The following MACROD2 variants were observed in gnomAD, a reference collection of about 807,000 sequenced individuals.
The protein encoded by MACROD2 is mono-ADP ribosylhydrolase 2, also known as ADP-ribose glycohydrolase MACROD2.
In MACROD2, 36 loss-of-function variants were observed where a neutral mutation model predicts 70.4. The ratio of observed to expected loss-of-function variants is 0.51; its 90% CI spans 0.39 to 0.68. MACROD2 has a LOEUF of 0.68. MACROD2 is among the 30% of genes least tolerant of loss of function. The probability of loss-of-function intolerance (pLI) is 0.00; values close to 1 mark genes in which losing one functional copy is unlikely to be tolerated. For synonymous variants in MACROD2, 172 were observed against 178.8 expected (o/e 0.96, Z 0.30); for missense variants, 496 against 538.4 (o/e 0.92, Z 0.78).
intron 10 of MACROD2, among the ~76,000 whole-genome samples, chr20:15,896,870 T>C (rs2064981046): frequency 6.6e-6 from 1 of 152,204 alleles, no homozygotes; most frequent in Non-Finnish European, 1.5e-5. Flanking sequence ...TTCAAGTTAC[T>C]AATTGATTGG....
At chr20:15,909,129 A>G (rs1395885282) in intron 10 of MACROD2, among the ~76,000 whole-genome samples, 1 of 152,198 alleles carries the variant, frequency 6.6e-6, no homozygotes, top group Non-Finnish European at 1.5e-5. Context: ...TCTGAGCCCT[A>G]AGCTTAGAAG....
At chr20:14,817,292 G>A (rs2072784870) in intron 5 of MACROD2, among the ~76,000 whole-genome samples, 1 of 152,054 alleles carries the variant, frequency 6.6e-6, no homozygotes, top group Admixed American at 6.6e-5. Flanking sequence ...TTCATGGCAG[G>A]GAGCCAGTTT....
chr20:15,103,327 T>C (rs970234187), intron 5 of MACROD2, among the ~76,000 whole-genome samples: 14 of 152,110 alleles, frequency 9.2e-5, no homozygotes, highest in African/African-American at 3.1e-4. Context: ...AGTCCAGTAG[T>C]AGAAAAAGGG....
At chr20:14,230,669 C>CCA (rs1388842581) in intron 3 of MACROD2, among the ~76,000 whole-genome samples, 3,529 of 91,994 alleles carry the variant, frequency 0.038, 382 homozygotes, top group Non-Finnish European at 0.048. Context: ...CAGGCTGGGC[C>CCA]TATATATATA....
rs549206094 is a variant in MACROD2, at chr20:14,685,951, T to G, written c.418+992T>G. On this transcript the variant is annotated intron_variant, in intron 5 of 17. Coordinates refer to ENST00000684519, the MANE Select transcript of MACROD2 (RefSeq NM_001351661.2). ...CTTGTGGATGTGTGTGAATGGAGAA[T>G]AGCGTGTTATATTTTAAAGATTACT... Among the ~76,000 whole-genome samples the G allele has an allele frequency of 2.9e-4, 44 of 152,300 alleles. 1 individual carries two copies. The highest frequency in any genetic ancestry group is 2.6e-3 in the Admixed American group (40 of 15,296).
rs559050870 is a variant in MACROD2 at position 15,111,686 on chromosome 20, A to G, written c.419-118254A>G. ...TATGCACTTTGGAAGATGCCAGAGAAATTAGGTGGGCATCACATACAAGTA... is the reference window on the plus strand; with the variant it reads ...TATGCACTTTGGAAGATGCCAGAGAGATTAGGTGGGCATCACATACAAGTA... On this transcript the variant is annotated intron_variant, in intron 5 of 17. Coordinates refer to ENST00000684519, the MANE Select transcript of MACROD2 (RefSeq NM_001351661.2). Among the ~76,000 whole-genome samples, 6 of 152,320 alleles carry G rather than the reference A, an allele frequency of 3.9e-5. No homozygotes were observed. The East Asian group carries it at 1.2e-3, about 29-fold the overall frequency.
rs1431753540 is a variant in MACROD2, at chr20:15,153,200, A to G, written c.419-76740A>G. Among the ~76,000 whole-genome samples, 3 of 152,046 alleles carry G rather than the reference A, an allele frequency of 2.0e-5. No individual in the cohort carries two copies. In the South Asian group the frequency reaches 6.2e-4, roughly 31 times the overall value. ...CCACCAAACAGGCTTTGTGTGAGCA[A>G]CGAGGCTATTTATTTCACCTGGGTG... On this transcript the variant is annotated intron_variant, in intron 5 of 17. Transcript: ENST00000684519.
chr20:15,718,505 C>T (rs1568991340), intron 8 of MACROD2, among the ~76,000 whole-genome samples: 1 of 152,192 alleles, frequency 6.6e-6, no homozygotes, highest in Non-Finnish European at 1.5e-5. Context: ...GTTCCAAGCC[C>T]TGTGGCCATG....
chr20:15,404,596 C>T (rs2045972399), intron 6 of MACROD2, among the ~76,000 whole-genome samples: 1 of 152,196 alleles, frequency 6.6e-6, no homozygotes, highest in Non-Finnish European at 1.5e-5. Context: ...TACTACTCCA[C>T]CTGCTTGTAA....
intron 8 of MACROD2, among the ~76,000 whole-genome samples, chr20:15,776,438 G>A (rs1299691675): frequency 6.6e-6 from 1 of 152,160 alleles, no homozygotes; most frequent in East Asian, 1.9e-4. Context: ...GGCTGCCTTT[G>A]CTGGCTGATG....
At chr20:15,352,596 C>G (rs2078240150) in intron 6 of MACROD2, among the ~76,000 whole-genome samples, 1 of 152,034 alleles carries the variant, frequency 6.6e-6, no homozygotes, top group Non-Finnish European at 1.5e-5. Context: ...TTAAATAATA[C>G]ATTGCATTGA....
chr20:15,952,096 G>C (rs767219228), intron 12 of MACROD2, among the ~76,000 whole-genome samples: 58 of 152,060 alleles, frequency 3.8e-4, no homozygotes, highest in Admixed American at 1.9e-3. Context: ...CCCTGCATAA[G>C]CTCTCTCTTT....
intron 3 of MACROD2, among the ~76,000 whole-genome samples, chr20:14,371,437 T>A (rs1452740760): frequency 6.6e-6 from 1 of 152,040 alleles, no homozygotes; most frequent in Admixed American, 6.6e-5. Context: ...CTGCAGTGAG[T>A]CATGATCATG....
At chr20:14,246,044 A>G (rs1278301198) in intron 3 of MACROD2, among the ~76,000 whole-genome samples, 1 of 152,210 alleles carries the variant, frequency 6.6e-6, no homozygotes, top group East Asian at 1.9e-4. Context: ...ATTCTTCCTT[A>G]AACATAAATT....
At chr20:16,030,951 G>A (rs1395994873) in intron 15 of MACROD2, among the ~76,000 whole-genome samples, 1 of 152,106 alleles carries the variant, frequency 6.6e-6, no homozygotes, top group Admixed American at 6.6e-5. Flanking sequence ...ACACATCTTT[G>A]ATAAGTTTAA....
At chr20:14,090,766 G>A (rs73269439) in intron 3 of MACROD2, among the ~76,000 whole-genome samples, 6,245 of 152,102 alleles carry the variant, frequency 0.041, 176 homozygotes, top group African/African-American at 0.08. Flanking sequence ...CAGTTTCTTT[G>A]GATACCTAGA....
chr20:15,143,401 T>C (rs2076206997), intron 5 of MACROD2, among the ~76,000 whole-genome samples: 1 of 152,212 alleles, frequency 6.6e-6, no homozygotes, highest in African/African-American at 2.4e-5. Context: ...CTTTGTAGAT[T>C]CTGGATATTA....
intron 8 of MACROD2, among the ~76,000 whole-genome samples, chr20:15,794,423 C>A (rs1369902436): frequency 6.6e-6 from 1 of 152,200 alleles, no homozygotes; most frequent in Non-Finnish European, 1.5e-5. Flanking sequence ...CTCATATCTT[C>A]AGCTGGGGCA....
At chr20:14,558,293 G>A (rs1477133976) in intron 4 of MACROD2, among the ~76,000 whole-genome samples, 4 of 151,788 alleles carry the variant, frequency 2.6e-5, no homozygotes, top group Non-Finnish European at 4.4e-5. Context: ...AAGAGTCTAT[G>A]AACATACAAA....
Sources: allele counts gnomAD v4.1 joint callset (sites outside exome capture counted in the v4.1 genomes callset), GRCh38; gene constraint gnomAD v4.1.1; transcripts MANE v1.5; gene names NCBI Gene and HGNC (gene_info 2026-07-23, HGNC 2026-07-21).